SAFB: variants seen among roughly 807,000 people sequenced by gnomAD.
The protein encoded by SAFB is scaffold attachment factor B.
Under a neutral mutation model 101.6 loss-of-function variants are expected in SAFB, and 15 were observed. The observed-to-expected ratio is 0.15, with a 90% confidence interval of 0.10 to 0.23. The LOEUF (loss-of-function observed/expected upper bound fraction) is 0.23, where lower values mean the gene tolerates loss of function less well. SAFB is among the 10% of genes least tolerant of loss of function. The pLI, the probability that SAFB is intolerant of heterozygous loss-of-function variation, is 1.00. For missense variants in SAFB, 930 were observed against 1,104.1 expected, an observed-to-expected ratio of 0.84 and a Z score of 2.23; for synonymous variants, 449 against 407.5, an observed-to-expected ratio of 1.10 and a Z score of -1.23.
In SAFB at chr19:5,653,160, C is replaced by A; in HGVS notation, c.1339C>A (p.Arg447Ser). 1 of 1,614,018 alleles carries A rather than the reference C, an allele frequency of 6.2e-7. No homozygotes were observed. The change falls in exon 10 of 21, where the codon CGC becomes AGC. Residue 447 changes from arginine (R) to serine (S), a missense_variant. Coordinates refer to ENST00000588852, the MANE Select transcript of SAFB (RefSeq NM_001201338.2). ...VVTNARSPGA[R>S]CYGFVTMSTA... ...GACAAATGCCCGGAGTCCTGGAGCTCGCTGTTACGGTTTTGTCACGATGTC... is the reference window on the plus strand; with the variant it reads ...GACAAATGCCCGGAGTCCTGGAGCTAGCTGTTACGGTTTTGTCACGATGTC...
rs1461908825 is a variant in SAFB at position 5,661,688 on chromosome 19, A to T, written c.2033A>T (p.His678Leu). ...GAGCGCGAACGCATGCACGTGGAGC[A>T]CGAGCGCAGGCGCGAGCAGGAGCGC... ...RLERERMHVE[H>L]ERRREQERIH... Residue 678 changes from histidine to leucine, a missense_variant, in exon 15 of 21, where the codon CAC (histidine) becomes CTC (leucine). By Grantham distance (99) the His-to-Leu change is moderately conservative. This residue lies in a region of SAFB where 159 missense variants were observed against 234.1 expected (regional missense o/e 0.68). Transcript: ENST00000588852. The T allele has an allele frequency of 6.2e-7, 1 of 1,608,992 alleles. No individual in the cohort carries two copies. The highest frequency in any genetic ancestry group is 1.3e-5 in the African/African-American group (1 of 74,868).
Position 5,661,825 on chromosome 19 carries a change from T to C in SAFB, c.2153+17T>C, listed in dbSNP as rs1193934441. ...CCTGGACCGGTAAGCAGATCCATGCTGCCCTTAGCACGTGGCGTTCAGAAT... is the reference window on the plus strand; with the variant it reads ...CCTGGACCGGTAAGCAGATCCATGCCGCCCTTAGCACGTGGCGTTCAGAAT... On this transcript the variant is annotated intron_variant, in intron 15 of 20. Coordinates refer to ENST00000588852, the MANE Select transcript of SAFB (RefSeq NM_001201338.2). 2 of 1,507,902 alleles carry C rather than the reference T, an allele frequency of 1.3e-6. No homozygotes were observed. Among genetic ancestry groups the C allele is most frequent in the Non-Finnish European group, 1.8e-6 (2 of 1,121,288 alleles). 93.4% of individuals were successfully genotyped at this position (1,507,902 alleles called of 1,614,324 possible).
At position 5,641,650 on chromosome 19, in the gene SAFB, G is replaced by T; in HGVS notation, c.331G>T (p.Asp111Tyr). The T allele has an allele frequency of 6.2e-7, 1 of 1,614,076 alleles. No individual in the cohort carries two copies. Reference protein sequence around the residue: ...EDNGLEENSGDGQEDVETSLE... With the variant: ...EDNGLEENSGYGQEDVETSLE... ...TAACGGGCTGGAGGAAAACTCTGGG[G>T]ATGGACAGGTATGTGCAGCCTTGCG... is the stretch of plus-strand genomic sequence containing the variant. Residue 111 changes from aspartate to tyrosine, a missense_variant, in exon 3 of 21, where the codon GAT becomes TAT. Transcript: ENST00000588852.
intron 6 of SAFB, 178 bp downstream of exon 6, chr19:5,648,221 G>C (rs756176158): frequency 1.4e-5 from 8 of 584,648 alleles, no homozygotes; most frequent in Non-Finnish European, 2.1e-5. Flanking sequence ...CATATCACCA[G>C]ATCTGTGAAA....
intron 2 of SAFB, among the ~76,000 whole-genome samples, chr19:5,636,540 T>C (rs1279514579): frequency 6.6e-6 from 1 of 152,112 alleles, no homozygotes; most frequent in African/African-American, 2.4e-5. Context: ...CCTATCTTTG[T>C]AAATAAGGTA....
At chr19:5,655,634 C>A (rs2054042227) in intron 13 of SAFB, among the ~76,000 whole-genome samples, 1 of 152,074 alleles carries the variant, frequency 6.6e-6, no homozygotes, top group Non-Finnish European at 1.5e-5. Context: ...GACCTTGGAC[C>A]CGCCTGGTCA....
rs931049111 is a variant in SAFB at position 5,641,784 on chromosome 19, C to T, written c.384C>T (p.Ile128=). Reference sequence around the variant, plus strand: ...TGGAGAACTTGCAGGACATCGACATCATGGATATCAGTGTGTTGGATGAAG... The same window carrying T: ...TGGAGAACTTGCAGGACATCGACATTATGGATATCAGTGTGTTGGATGAAG... The part of the protein sequence containing the change: ...TSLENLQDID[I]MDISVLDEAE... Residue 128 remains isoleucine, a synonymous_variant, in exon 4 of 21, where the codon ATC becomes ATT. Transcript: ENST00000588852. 6 of 1,613,924 alleles carry T rather than the reference C, an allele frequency of 3.7e-6. No individual in the cohort carries two copies. The Admixed American group carries it at 5.0e-5, about 13-fold the overall frequency.
intron 17 of SAFB, chr19:5,665,716 C>T (rs1197789430): frequency 1.3e-5 from 2 of 152,164 alleles, no homozygotes; most frequent in African/African-American, 2.4e-5. Context: ...CATACACAGT[C>T]ATAAATGAGT....
rs528533060 is a variant in SAFB, at chr19:5,648,002, G to A, written c.610-14G>A. 8.9e-5 allele frequency: 143 copies of A among 1,611,402 alleles called. 1 individual carries two copies. In the South Asian group the frequency reaches 1.4e-3, roughly 15 times the overall value. ...ATTCATCTGGCACAGTCTTATTTAC[G>A]TTTTTTCTTGCAGGAAATTGAAGAG... On this transcript the variant is annotated splice_polypyrimidine_tract_variant and intron_variant, in intron 5 of 20. Transcript: ENST00000588852.
intron 14 of SAFB, among the ~76,000 whole-genome samples, chr19:5,657,605 C>G (rs1599373307): frequency 6.6e-6 from 1 of 152,176 alleles, no homozygotes; most frequent in Non-Finnish European, 1.5e-5. Context: ...GACCTCGGCT[C>G]ACTGCAACCT....
chr19:5,634,414 A>T (rs1236927909), intron 2 of SAFB, among the ~76,000 whole-genome samples: 1 of 152,074 alleles, frequency 6.6e-6, no homozygotes, highest in African/African-American at 2.4e-5. Flanking sequence ...TGTTCATTTG[A>T]TGGTGGGGGA....
intron 14 of SAFB, among the ~76,000 whole-genome samples, chr19:5,659,758 C>CAGG: frequency 6.6e-6 from 1 of 151,984 alleles, no homozygotes; most frequent in Admixed American, 6.5e-5. Context: ...GGTGGCATTT[C>CAGG]TGCTGGGGGA....
chr19:5,629,590 G>A (rs577653403), intron 2 of SAFB, among the ~76,000 whole-genome samples: 29 of 152,042 alleles, frequency 1.9e-4, no homozygotes, highest in Admixed American at 5.2e-4. Flanking sequence ...ATTACTAGAC[G>A]TTTGGAGATT....
At chr19:5,625,955 C>T (rs529393071) in intron 1 of SAFB, among the ~76,000 whole-genome samples, 1 of 152,142 alleles carries the variant, frequency 6.6e-6, no homozygotes, top group Non-Finnish European at 1.5e-5. Context: ...GAGGGAGTCC[C>T]TGGAGGGTTA....
chr19:5,641,849 A>G lies in SAFB; in HGVS notation c.449A>G (p.Asp150Gly). The G allele has an allele frequency of 1.9e-6, 3 of 1,614,150 alleles. No individual in the cohort carries two copies. Among genetic ancestry groups the G allele is most frequent in the Non-Finnish European group, 2.5e-6 (3 of 1,180,006 alleles). ...DNGSVADCVEDDDADNLQESL... is the reference protein window; with the variant it reads ...DNGSVADCVEGDDADNLQESL... ...GGAAGCGTTGCAGATTGTGTCGAAG[A>G]CGATGATGCTGATAACCTCCAGGAG... The change falls in exon 4 of 21, where the codon GAC (aspartate) becomes GGC (glycine). Residue 150 changes from aspartate to glycine, a missense_variant. This residue lies in a region of SAFB where 119 missense variants were observed against 171.4 expected (regional missense o/e 0.69). Coordinates refer to ENST00000588852, the MANE Select transcript of SAFB (RefSeq NM_001201338.2).
At chr19:5,650,286 T>C (rs1169238145) in intron 8 of SAFB, among the ~76,000 whole-genome samples, 1 of 152,204 alleles carries the variant, frequency 6.6e-6, no homozygotes, top group Non-Finnish European at 1.5e-5. Context: ...ATCAGTGTTC[T>C]AAAGGAGTAA....
chr19:5,650,937 G>C (rs2145451906), intron 8 of SAFB, 41 bp from the exon 9 acceptor site: 2 of 1,207,612 alleles, frequency 1.7e-6, no homozygotes, highest in South Asian at 1.3e-5. Context: ...TCAAGATCTT[G>C]TGGGTATTTG....
intron 17 of SAFB, chr19:5,664,642 C>G (rs1046457567): frequency 1.9e-6 from 1 of 538,190 alleles, no homozygotes. Flanking sequence ...CAAACAGTTA[C>G]TCTGAAGCTG....
chr19:5,623,202 T>A lies in SAFB; in HGVS notation c.-4T>A. 6.3e-7 allele frequency: 1 copy of A among 1,580,712 alleles called. No individual in the cohort carries two copies. Among genetic ancestry groups the A allele is most frequent in the Non-Finnish European group, 8.6e-7 (1 of 1,164,176 alleles). On this transcript the variant is annotated 5_prime_UTR_variant, in exon 1 of 21. Transcript: ENST00000588852. ...AAGTGGGCGGCGGAGCCAGGGTCCC[T>A]GGAATGGCGGAGACTCTGTCAGGCC...
Sources: allele counts gnomAD v4.1 joint callset (sites outside exome capture counted in the v4.1 genomes callset), GRCh38; gene constraint gnomAD v4.1.1; regional missense constraint gnomAD v4.1.1; transcripts MANE v1.5; gene names NCBI Gene and HGNC (gene_info 2026-07-23, HGNC 2026-07-21).